Variants in CCDC12 observed in about 807,000 individuals in gnomAD.
CCDC12 encodes coiled-coil domain containing 12.
In CCDC12, 28 loss-of-function variants were observed where a neutral mutation model predicts 25.7. The observed-to-expected ratio is 1.09, with a 90% confidence interval of 0.81 to 1.50. The LOEUF (loss-of-function observed/expected upper bound fraction) is 1.50. CCDC12 is among the 40% of genes most tolerant of loss of function. The probability of loss-of-function intolerance (pLI) is 0.00; values close to 1 mark genes in which losing one functional copy is unlikely to be tolerated. For synonymous variants in CCDC12, 75 were observed against 87.7 expected, an observed-to-expected ratio of 0.86 and a Z score of 0.81; for missense variants, 198 against 210.0, an observed-to-expected ratio of 0.94 and a Z score of 0.35.
In CCDC12 at chr3:46,926,474, A is replaced by G. The variant is rs77565361; in HGVS notation, c.165-939T>C. On this transcript the variant is annotated intron_variant, in intron 2 of 6. Transcript: ENST00000683445. The stretch of plus-strand genomic sequence containing the variant: ...CCGGCAGGAGCTGCGGCTAGCTACT[A>G]TGTTTTTATGTTCTTCCTGCCTCAG... 5.8e-3 allele frequency among the ~76,000 whole-genome samples: 881 copies of G among 152,282 alleles called. 11 individuals are homozygous for G. Among genetic ancestry groups the G allele is most frequent in the African/African-American group, 0.021 (856 of 41,552 alleles).
chr3:46,955,322 G>C (rs2107169829), intron 1 of CCDC12, among the ~76,000 whole-genome samples: 1 of 152,318 alleles, frequency 6.6e-6, no homozygotes, highest in East Asian at 1.9e-4. Context: ...TCATGGGGCA[G>C]ACAAAAAGGT....
intron 1 of CCDC12, among the ~76,000 whole-genome samples, chr3:46,941,764 G>C (rs2033719801): frequency 6.6e-6 from 1 of 152,158 alleles, no homozygotes; most frequent in Non-Finnish European, 1.5e-5. Flanking sequence ...GCTAAGCTAG[G>C]AAAGACTGGG....
chr3:46,975,438 C>T (rs1381512284), intron 1 of CCDC12, among the ~76,000 whole-genome samples: 1 of 152,146 alleles, frequency 6.6e-6, no homozygotes, highest in African/African-American at 2.4e-5. Context: ...CTGGGCCTCC[C>T]AAAGTGCGGG....
chr3:46,972,974 G>A (rs62246375), intron 1 of CCDC12, among the ~76,000 whole-genome samples: 55,673 of 151,126 alleles, frequency 0.37, 10,880 homozygotes, highest in Middle Eastern at 0.52. Context: ...TCCTCTCCCT[G>A]CTATATAAAC....
At chr3:46,958,869 G>A (rs910113643) in intron 1 of CCDC12, among the ~76,000 whole-genome samples, 6 of 152,236 alleles carry the variant, frequency 3.9e-5, no homozygotes, top group Admixed American at 6.5e-5. Context: ...ACACACAGCT[G>A]AGCATGAAAT....
At chr3:46,979,868 G>T (rs1314209463), upstream of CCDC12, 1 of 468,602 alleles carries the variant, frequency 2.1e-6, no homozygotes, top group Non-Finnish European at 3.8e-6. Context: ...GGCCATGGCC[G>T]CCTCGGAGCG....
At chr3:46,976,903 GC>G, upstream of CCDC12, 2 of 877,692 alleles carry the variant, frequency 2.3e-6, no homozygotes, top group South Asian at 5.6e-5. Flanking sequence ...GCCCCGCCCC[GC>G]CCCGCCCCGC....
chr3:46,951,394 C>T (rs1339036750), intron 1 of CCDC12, among the ~76,000 whole-genome samples: 2 of 152,010 alleles, frequency 1.3e-5, no homozygotes, highest in Non-Finnish European at 2.9e-5. Flanking sequence ...GTTAAATCAG[C>T]TTGATTTAAT....
chr3:46,949,261 C>T (rs1389059221), intron 1 of CCDC12, among the ~76,000 whole-genome samples: 1 of 152,134 alleles, frequency 6.6e-6, no homozygotes, highest in African/African-American at 2.4e-5. Context: ...GGATGAGTGA[C>T]AGTGGGGACA....
intron 1 of CCDC12, among the ~76,000 whole-genome samples, chr3:46,941,780 A>T (rs1207547473): frequency 6.6e-6 from 1 of 152,188 alleles, no homozygotes; most frequent in African/African-American, 2.4e-5. Context: ...CTGGGGAAAG[A>T]AGTTACCAGC....
intron 1 of CCDC12, among the ~76,000 whole-genome samples, chr3:46,964,772 T>C: frequency 6.6e-6 from 1 of 152,020 alleles, no homozygotes; most frequent in East Asian, 1.9e-4. Context: ...TTAAGAGTCA[T>C]TACCACTCCC....
chr3:46,969,851 G>T (rs2034750974), intron 1 of CCDC12, among the ~76,000 whole-genome samples: 1 of 151,960 alleles, frequency 6.6e-6, no homozygotes, highest in Admixed American at 6.6e-5. Context: ...GTCAAGTGTG[G>T]CTGTTTAAAT....
In CCDC12 at chr3:46,935,187, G is replaced by A. The variant is rs151237189; in HGVS notation, c.164+5811C>T. 3.1e-3 allele frequency among the ~76,000 whole-genome samples: 469 copies of A among 152,326 alleles called. 1 individual carries two copies. The highest frequency in any genetic ancestry group is 5.9e-3 in the African/African-American group (246 of 41,582). On this transcript the variant is annotated intron_variant, in intron 2 of 6. Transcript: ENST00000683445. The stretch of plus-strand genomic sequence containing the variant: ...TTTGCAATATGTGACACCCAGCACC[G>A]GTCAAACAACTATCTCTGATGGTGA...
chr3:46,963,982 C>G (rs925764482), intron 1 of CCDC12, among the ~76,000 whole-genome samples: 2 of 152,184 alleles, frequency 1.3e-5, no homozygotes, highest in Non-Finnish European at 2.9e-5. Flanking sequence ...AGCGCCTCTT[C>G]CCGGCCGCCA....
chr3:46,981,426 G>A (rs939260284), upstream of CCDC12, among the ~76,000 whole-genome samples: 2 of 152,134 alleles, frequency 1.3e-5, no homozygotes, highest in South Asian at 4.2e-4. Context: ...TGGTGACAGA[G>A]TGAGACTCCG....
intron 1 of CCDC12, among the ~76,000 whole-genome samples, chr3:46,952,456 A>G (rs1038304734): frequency 2.6e-5 from 4 of 152,138 alleles, no homozygotes; most frequent in East Asian, 1.9e-4. Context: ...TCTACCACAC[A>G]TGCTGCTTGT....
intron 1 of CCDC12, among the ~76,000 whole-genome samples, chr3:46,954,930 A>G: frequency 6.6e-6 from 1 of 152,164 alleles, no homozygotes. Context: ...CTGAAAAAAA[A>G]AGTTATTTCC....
intron 1 of CCDC12, among the ~76,000 whole-genome samples, chr3:46,974,295 T>C (rs1432059936): frequency 6.6e-6 from 1 of 152,238 alleles, no homozygotes; most frequent in Non-Finnish European, 1.5e-5. Flanking sequence ...GTAAATTGTA[T>C]GTGTATTTTC....
chr3:46,968,237 G>A (rs1222660434), intron 1 of CCDC12, among the ~76,000 whole-genome samples: 1 of 152,170 alleles, frequency 6.6e-6, no homozygotes, highest in South Asian at 2.1e-4. Context: ...GGCTGTGACT[G>A]CAAATCCATT....
Sources: gnomAD v4.1 joint callset for allele counts (sites outside exome capture counted in the v4.1 genomes callset) on GRCh38, gnomAD v4.1.1 for gene constraint, MANE v1.5 for transcripts, NCBI Gene and HGNC (gene_info 2026-07-23, HGNC 2026-07-21) for gene names.